Variants in CFAP54 observed in about 807,000 individuals in gnomAD.
CFAP54 encodes the protein cilia- and flagella-associated protein 54.
Under a neutral mutation model 370.4 loss-of-function variants are expected in CFAP54, and 290 were observed. The ratio of observed to expected loss-of-function variants is 0.78; its 90% CI spans 0.71 to 0.86. CFAP54 has a LOEUF of 0.86. Among genes scored for constraint, CFAP54 ranks in the 40% least tolerant of loss-of-function variants. The pLI is 0.00. For missense variants in CFAP54, 3,399 were observed against 3,528.7 expected, an observed-to-expected ratio of 0.96 and a Z score of 0.93; for synonymous variants, 1,206 against 1,236.5, an observed-to-expected ratio of 0.98 and a Z score of 0.52.
chr12:96,544,000 G>C (rs1955608421), intron 14 of CFAP54, among the ~76,000 whole-genome samples: 1 of 152,066 alleles, frequency 6.6e-6, no homozygotes, highest in Non-Finnish European at 1.5e-5. Flanking sequence ...ATGTGACTCT[G>C]TGATACTATG....
At chr12:96,665,281 A>G (rs1353852618) in intron 39 of CFAP54, among the ~76,000 whole-genome samples, 3 of 151,890 alleles carry the variant, frequency 2.0e-5, no homozygotes, top group African/African-American at 7.3e-5. Flanking sequence ...TCTGTTTACA[A>G]TGTTGATAGT....
chr12:96,710,668 T>TC (rs546838641), intron 48 of CFAP54, among the ~76,000 whole-genome samples: 54 of 152,134 alleles, frequency 3.5e-4, no homozygotes, highest in African/African-American at 1.2e-3. Context: ...ACAGAATTTT[T>TC]TTTTTTTTGA....
chr12:96,543,343 GA>G (rs2136390294), intron 14 of CFAP54, among the ~76,000 whole-genome samples: 1 of 152,316 alleles, frequency 6.6e-6, no homozygotes, highest in South Asian at 2.1e-4. Context: ...AAGTTAATGA[GA>G]AGGCTGCTGT....
chr12:96,670,941 A>T (rs115849828), intron 39 of CFAP54, among the ~76,000 whole-genome samples: 1 of 152,302 alleles, frequency 6.6e-6, no homozygotes, highest in East Asian at 1.9e-4. Context: ...TGTACCTCTC[A>T]TCTTTTCAAT....
At chr12:96,743,600 A>G (rs1293680990) in intron 53 of CFAP54, 41 bp downstream of exon 53, 2 of 1,611,316 alleles carry the variant, frequency 1.2e-6, no homozygotes, top group Admixed American at 3.3e-5. Context: ...TCAGGGAGGG[A>G]TTCCAGTTAG....
At chr12:96,514,322 A>G (rs1483280236) in intron 5 of CFAP54, among the ~76,000 whole-genome samples, 4 of 152,234 alleles carry the variant, frequency 2.6e-5, no homozygotes, top group African/African-American at 9.6e-5. Flanking sequence ...TGCTCAATGG[A>G]TAACATTAAT....
Position 96,679,960 on chromosome 12 carries a change from T to A in CFAP54, c.5716+208T>A, listed in dbSNP as rs1592705231. Among the ~76,000 whole-genome samples the A allele has an allele frequency of 2.6e-5, 4 of 152,242 alleles. No individual in the cohort carries two copies. In the South Asian group the frequency reaches 6.2e-4, roughly 24 times the overall value. ...CACTCACTCGCTTTTATGCTTTCTG[T>A]GAAACTATCAAACTCTCTTGAGTGT... On this transcript the variant is annotated intron_variant, in intron 40 of 67. Coordinates refer to ENST00000524981, the MANE Select transcript of CFAP54 (RefSeq NM_001306084.2).
chr12:96,553,564 A>C (rs972698604), intron 15 of CFAP54, among the ~76,000 whole-genome samples: 1 of 143,308 alleles, frequency 7.0e-6, no homozygotes, highest in Admixed American at 7.0e-5. Context: ...ATAGTAATAT[A>C]TATAGTTATA....
At chr12:96,758,254 G>A (rs760693486) in intron 58 of CFAP54, among the ~76,000 whole-genome samples, 6 of 152,058 alleles carry the variant, frequency 3.9e-5, no homozygotes, top group East Asian at 1.9e-4. Context: ...TCATTTTCAC[G>A]CTGCTAATAA....
At chr12:96,576,545 C>A in intron 19 of CFAP54, 40 bp from the exon 20 acceptor site, 1 of 1,368,168 alleles carries the variant, frequency 7.3e-7, no homozygotes, top group Non-Finnish European at 9.8e-7. Context: ...AGAGTTCAAG[C>A]TCTTGACATA....
intron 3 of CFAP54, among the ~76,000 whole-genome samples, chr12:96,504,409 A>G (rs12310073): frequency 0.52 from 79,502 of 152,056 alleles, 21,255 homozygotes; most frequent in East Asian, 0.69. Context: ...AAAGCGACTC[A>G]AGATTAAACA....
Position 96,489,586 on chromosome 12 carries a change from C to A in CFAP54, c.-24C>A, listed in dbSNP as rs1954852365. ...CCAGGCAACCGCGTGTACACATACT[C>A]CAGGCGGGCCGGGGCGCGTCAATAT... On this transcript the variant is annotated 5_prime_UTR_variant, in exon 1 of 68. Coordinates refer to ENST00000524981, the MANE Select transcript of CFAP54 (RefSeq NM_001306084.2). 3 of 1,496,990 alleles carry A rather than the reference C, an allele frequency of 2.0e-6. No individual in the cohort carries two copies. The highest frequency in any genetic ancestry group is 2.7e-6 in the Non-Finnish European group (3 of 1,123,622). 92.7% of individuals were successfully genotyped at this position (1,496,990 alleles called of 1,614,324 possible).
chr12:96,816,138 A>G lies in CFAP54; in HGVS notation c.8958-1637A>G, dbSNP rs543670039. Reference sequence around the variant, plus strand: ...GCTTGATGGGAATAGCATTGAATCTATGAATTACTTTGGGCAGTATGGCCA... The same window carrying G: ...GCTTGATGGGAATAGCATTGAATCTGTGAATTACTTTGGGCAGTATGGCCA... On this transcript the variant is annotated intron_variant, in intron 64 of 67. Coordinates refer to ENST00000524981, the MANE Select transcript of CFAP54 (RefSeq NM_001306084.2). 3.9e-5 allele frequency among the ~76,000 whole-genome samples: 6 copies of G among 152,310 alleles called. No homozygotes were observed. The South Asian group carries it at 6.2e-4, about 16-fold the overall frequency.
intron 60 of CFAP54, among the ~76,000 whole-genome samples, chr12:96,783,676 C>A (rs190330438): frequency 6.6e-6 from 1 of 152,268 alleles, no homozygotes; most frequent in East Asian, 1.9e-4. Flanking sequence ...CACCTGAGGT[C>A]GGGAGTTCAA....
At chr12:96,572,407 C>T (rs567908797) in intron 19 of CFAP54, among the ~76,000 whole-genome samples, 58 of 150,358 alleles carry the variant, frequency 3.9e-4, no homozygotes, top group Admixed American at 6.0e-4. Flanking sequence ...AATTCTGAGG[C>T]GTGAAATAAC....
intron 66 of CFAP54, among the ~76,000 whole-genome samples, chr12:96,833,322 T>A (rs1357086405): frequency 6.6e-6 from 1 of 152,210 alleles, no homozygotes; most frequent in Non-Finnish European, 1.5e-5. Flanking sequence ...TGGGCTAAGT[T>A]CTTTAATAGA....
chr12:96,780,570 G>A (rs1347003261), intron 60 of CFAP54, among the ~76,000 whole-genome samples: 2 of 152,054 alleles, frequency 1.3e-5, no homozygotes, highest in Non-Finnish European at 2.9e-5. Flanking sequence ...TGATATTCAA[G>A]ATAGAGATAA....
At chr12:96,862,258 A>T (rs1033428677) in intron 67 of CFAP54, among the ~76,000 whole-genome samples, 4 of 152,164 alleles carry the variant, frequency 2.6e-5, no homozygotes, top group Non-Finnish European at 5.9e-5. Context: ...GTAGTTGAAA[A>T]TTTGTTAAAA....
intron 45 of CFAP54, among the ~76,000 whole-genome samples, chr12:96,695,951 ATGT>A (rs1208542574): frequency 6.6e-6 from 1 of 152,194 alleles, no homozygotes; most frequent in East Asian, 1.9e-4. Context: ...CAAGACAATA[ATGT>A]TGGTACCTGC....
Sources: allele counts gnomAD v4.1 joint callset (sites outside exome capture counted in the v4.1 genomes callset), GRCh38; gene constraint gnomAD v4.1.1; transcripts MANE v1.5; gene names NCBI Gene and HGNC (gene_info 2026-07-23, HGNC 2026-07-21).